Variants in SYS1 observed in about 807,000 individuals in gnomAD.
SYS1 encodes protein SYS1 homolog.
SYS1 carries 8 observed loss-of-function variants against 17.8 expected under a neutral mutation model. The ratio of observed to expected loss-of-function variants is 0.45; its 90% CI spans 0.26 to 0.81. SYS1 has a LOEUF of 0.81. Among genes scored for constraint, SYS1 ranks in the 40% least tolerant of loss-of-function variants. The probability of loss-of-function intolerance (pLI) is 0.16; values close to 1 mark genes in which losing one functional copy is unlikely to be tolerated. For missense variants in SYS1, 161 were observed against 203.9 expected (o/e 0.79, Z 1.28); for synonymous variants, 95 against 90.9 (o/e 1.05, Z -0.26).
intron 2 of SYS1, among the ~76,000 whole-genome samples, chr20:45,364,542 G>A (rs1026690098): frequency 3.0e-5 from 4 of 132,768 alleles, no homozygotes; most frequent in African/African-American, 8.7e-5. Flanking sequence ...CAGGATCTCG[G>A]CTCACTGCAA....
In SYS1 at chr20:45,367,466, C is replaced by G; in HGVS notation, c.*351C>G. ...ATCAAGGATATCTGATTGGAGCAAA[C>G]CACTTCTTTAGTCATCTGTCTTACC... On this transcript the variant is annotated 3_prime_UTR_variant, in exon 4 of 4. Coordinates refer to ENST00000243918, the MANE Select transcript of SYS1 (RefSeq NM_033542.4). 5 of 1,089,664 alleles carry G rather than the reference C, an allele frequency of 4.6e-6. No individual in the cohort carries two copies. The highest frequency in any genetic ancestry group is 5.6e-6 in the Non-Finnish European group (5 of 895,186). The allele number at this position is 1,089,664 out of a possible 1,614,324, so 67.5% of individuals were successfully genotyped here.
rs1416404334 is a variant in SYS1 at position 45,368,962 on chromosome 20, C to G, written c.*1847C>G. The G allele has an allele frequency of 1.2e-6, 1 of 844,744 alleles. No individual in the cohort carries two copies. The allele number at this position is 844,744 out of a possible 1,614,324, so 52.3% of individuals were successfully genotyped here. ...GCATATCTTCTGTGATGACAAATCT[C>G]TGTCCCCTGAGTGTTAATTTGATTT... On this transcript the variant is annotated 3_prime_UTR_variant, in exon 4 of 4. Coordinates refer to ENST00000243918, the MANE Select transcript of SYS1 (RefSeq NM_033542.4).
downstream of SYS1, among the ~76,000 whole-genome samples, chr20:45,370,090 A>G (rs1988530008): frequency 6.6e-6 from 1 of 150,426 alleles, no homozygotes; most frequent in South Asian, 2.1e-4. Context: ...ATGCTTGGCT[A>G]ATTTTTGTAT....
chr20:45,363,333 G>T lies in SYS1; in HGVS notation c.-4+18G>T. 7.0e-7 allele frequency: 1 copy of T among 1,419,736 alleles called. No individual in the cohort carries two copies. Among genetic ancestry groups the T allele is most frequent in the Non-Finnish European group, 9.2e-7 (1 of 1,088,998 alleles). 87.9% of individuals were successfully genotyped at this position (1,419,736 alleles called of 1,614,324 possible). On this transcript the variant is annotated intron_variant, in intron 1 of 3. Coordinates refer to ENST00000243918, the MANE Select transcript of SYS1 (RefSeq NM_033542.4). The stretch of plus-strand genomic sequence containing the variant: ...TGTCACTGGTGAGTAGACCCCAGAG[G>T]AGCTCGTGTACGGGCGGGGGCCGCG...
exon 4 of SYS1, chr20:45,374,653 C>T: frequency 2.3e-6 from 1 of 428,384 alleles, no homozygotes; most frequent in Non-Finnish European, 4.1e-6. Context: ...GAATGGGATG[C>T]AGCAAAGCCC....
At position 45,367,129 on chromosome 20, in the gene SYS1, G is replaced by A; in HGVS notation, c.*14G>A. On this transcript the variant is annotated 3_prime_UTR_variant, in exon 4 of 4. Coordinates refer to ENST00000243918, the MANE Select transcript of SYS1 (RefSeq NM_033542.4). ...TCCAATGTCTAGAATCAGGCCCTTT[G>A]GACATCCTGCTGACACTTGGGCCCC... is the stretch of plus-strand genomic sequence containing the variant. 6.2e-7 allele frequency: 1 copy of A among 1,613,690 alleles called. No homozygotes were observed. Among genetic ancestry groups the A allele is most frequent in the Non-Finnish European group, 8.5e-7 (1 of 1,179,688 alleles).
downstream of SYS1, chr20:45,373,932 C>T: frequency 1.2e-6 from 2 of 1,614,078 alleles, no homozygotes; most frequent in Non-Finnish European, 1.7e-6. Context: ...TGAATTTCGC[C>T]ACCCATTCCT....
rs1303246737 is a variant in SYS1 at position 45,368,801 on chromosome 20, C to T, written c.*1686C>T. 2.0e-6 allele frequency: 2 copies of T among 985,322 alleles called. No individual in the cohort carries two copies. Among genetic ancestry groups the T allele is most frequent in the African/African-American group, 3.5e-5 (2 of 57,232 alleles). 61.0% of individuals were successfully genotyped at this position (985,322 alleles called of 1,614,324 possible). On this transcript the variant is annotated 3_prime_UTR_variant, in exon 4 of 4. Coordinates refer to ENST00000243918, the MANE Select transcript of SYS1 (RefSeq NM_033542.4). ...ATTTCCCTCTAGACAACACAAACTG[C>T]AGGCATGTGACTAACTTTGAAAGAA... is the stretch of plus-strand genomic sequence containing the variant.
chr20:45,361,986 G>C, upstream of SYS1: 1 of 985,274 alleles, frequency 1.0e-6, no homozygotes, highest in African/African-American at 1.7e-5. Flanking sequence ...GGGAACCTAG[G>C]ATCAATGAAG....
In SYS1 at chr20:45,368,735, G is replaced by A. The variant is rs1425884332; in HGVS notation, c.*1620G>A. On this transcript the variant is annotated 3_prime_UTR_variant, in exon 4 of 4. Transcript: ENST00000243918. ...ACAGTAATCCTGGCTGCAGGGTCTA[G>A]GAGGTAAGACCAGCTGGGATGACCT... The A allele has an allele frequency of 3.0e-6, 3 of 985,290 alleles. No individual in the cohort carries two copies. The highest frequency in any genetic ancestry group is 3.6e-6 in the Non-Finnish European group (3 of 829,912). The allele number at this position is 985,290 out of a possible 1,614,324, so 61.0% of individuals were successfully genotyped here.
chr20:45,369,758 C>T (rs530084019), downstream of SYS1, among the ~76,000 whole-genome samples: 37 of 151,928 alleles, frequency 2.4e-4, no homozygotes, highest in South Asian at 1.5e-3. Flanking sequence ...CATGCCACCA[C>T]GCCCAGCTAA....
At chr20:45,362,347 TTTTATTTATTTA>T (rs56348135), upstream of SYS1, among the ~76,000 whole-genome samples, 376 of 149,390 alleles carry the variant, frequency 2.5e-3, 2 homozygotes, top group African/African-American at 7.0e-3. Flanking sequence ...AACACTTGAA[TTTTATTTATTTA>T]TTTATTTATT....
At chr20:45,371,719 T>G (rs1489602675), downstream of SYS1, among the ~76,000 whole-genome samples, 1 of 152,242 alleles carries the variant, frequency 6.6e-6, no homozygotes, top group Non-Finnish European at 1.5e-5. Context: ...AATGTAAACG[T>G]ACGTTTGGCT....
At chr20:45,370,628 C>T (rs1380235130), downstream of SYS1, among the ~76,000 whole-genome samples, 1 of 151,896 alleles carries the variant, frequency 6.6e-6, no homozygotes, top group African/African-American at 2.4e-5. Flanking sequence ...CTGGAGGGTA[C>T]ACAGCTCAAA....
Position 45,367,146 on chromosome 20 carries a change from T to C in SYS1, c.*31T>C, listed in dbSNP as rs772730174. ...GGCCCTTTGGACATCCTGCTGACAC[T>C]TGGGCCCCTTAACACCTTGGGCTGC... is the stretch of plus-strand genomic sequence containing the variant. On this transcript the variant is annotated 3_prime_UTR_variant, in exon 4 of 4. Coordinates refer to ENST00000243918, the MANE Select transcript of SYS1 (RefSeq NM_033542.4). 2.5e-6 allele frequency: 4 copies of C among 1,612,034 alleles called. No individual in the cohort carries two copies. The highest frequency in any genetic ancestry group is 3.4e-6 in the Non-Finnish European group (4 of 1,178,680).
chr20:45,369,059 G>T lies in SYS1; in HGVS notation c.*1944G>T, dbSNP rs143772249. Reference sequence around the variant, plus strand: ...ATGGAGACTGAGCTGCATGGTAGTTGGGGATCAAAAATATGTGACCTTAAT... The same window carrying T: ...ATGGAGACTGAGCTGCATGGTAGTTTGGGATCAAAAATATGTGACCTTAAT... On this transcript the variant is annotated 3_prime_UTR_variant, in exon 4 of 4. Transcript: ENST00000243918. 2.0e-3 allele frequency: 350 copies of T among 176,898 alleles called. 1 individual carries two copies. The highest frequency in any genetic ancestry group is 7.9e-3 in the African/African-American group (331 of 42,022). 11.0% of individuals were successfully genotyped at this position (176,898 alleles called of 1,614,324 possible).
rs1034740470 is a variant in SYS1, at chr20:45,367,284, C to T, written c.*169C>T. 1.4e-6 allele frequency: 2 copies of T among 1,437,146 alleles called. No individual in the cohort carries two copies. Among genetic ancestry groups the T allele is most frequent in the Non-Finnish European group, 1.8e-6 (2 of 1,098,674 alleles). 89.0% of individuals were successfully genotyped at this position (1,437,146 alleles called of 1,614,324 possible). A position where few individuals can be genotyped will look rare whatever the true frequency, so the allele number is the denominator to read the frequency against. ...CCTGTCAAAGAAGGCAGGTAGCAGT[C>T]AGCATGACAGCTGCAAGAATGACCT... On this transcript the variant is annotated 3_prime_UTR_variant, in exon 4 of 4. Coordinates refer to ENST00000243918, the MANE Select transcript of SYS1 (RefSeq NM_033542.4).
In SYS1 at chr20:45,365,677, C is replaced by T. The variant is rs1355348251; in HGVS notation, c.221C>T (p.Ala74Val). 6.2e-7 allele frequency: 1 copy of T among 1,614,022 alleles called. No individual in the cohort carries two copies. Among genetic ancestry groups the T allele is most frequent in the African/African-American group, 1.3e-5 (1 of 74,924 alleles). The part of the protein sequence containing the change: ...RLSMMSFILN[A>V]LTCALGLLYF... ...TCCATGATGTCCTTCATCCTCAACG[C>T]CCTCACCTGGTGAGTATCACCAGTT... is the stretch of plus-strand genomic sequence containing the variant. The change falls in exon 3 of 4, where the codon GCC becomes GTC. Residue 74 changes from alanine to valine, a missense_variant. Transcript: ENST00000243918.
upstream of SYS1, among the ~76,000 whole-genome samples, chr20:45,362,351 ATT>A (rs1163189535): frequency 2.8e-4 from 2 of 7,172 alleles, no homozygotes; most frequent in Non-Finnish European, 5.8e-4. Context: ...CTTGAATTTT[ATT>A]TATTTATTTA....
Sources: gnomAD v4.1 joint callset for allele counts (sites outside exome capture counted in the v4.1 genomes callset) on GRCh38, gnomAD v4.1.1 for gene constraint, MANE v1.5 for transcripts, NCBI Gene and HGNC (gene_info 2026-07-23, HGNC 2026-07-21) for gene names.